Variants in LINGO1 observed in about 807,000 individuals in gnomAD.
LINGO1 encodes the protein leucine rich repeat and Ig domain containing 1.
In LINGO1, 11 loss-of-function variants were observed where a neutral mutation model predicts 37.3. That is an observed-to-expected ratio of 0.29 (90% confidence interval 0.19 to 0.49). LINGO1 has a LOEUF of 0.49. LINGO1 is among the 20% of genes least tolerant of loss of function. The pLI is 0.99. For missense variants in LINGO1, 585 were observed against 878.2 expected (o/e 0.67, Z 4.22); for synonymous variants, 387 against 403.0 (o/e 0.96, Z 0.48).
chr15:77,614,780 C>T lies in LINGO1; in HGVS notation c.1127G>A (p.Arg376Gln). Residue 376 changes from arginine to glutamine, a missense_variant, in exon 2 of 2, where the codon CGG (arginine) becomes CAG (glutamine). Physicochemically the swap from Arg to Gln is conservative, Grantham distance 43 (BLOSUM62 1). Around this residue, in one of 4 missense-constraint regions of LINGO1, gnomAD observed 484 missense variants for 735.0 expected, o/e 0.66. Coordinates refer to ENST00000355300, the MANE Select transcript of LINGO1 (RefSeq NM_032808.7). ...GCGGCGCCGGAACACCCACAGGAGC[C>T]GACAGTCGCAGGCCAGCGGGTTGGA... ...LDSNPLACDC[R>Q]LLWVFRRRWR... 1 of 1,609,074 alleles carries T rather than the reference C, an allele frequency of 6.2e-7. No homozygotes were observed. The highest frequency in any genetic ancestry group is 8.5e-7 in the Non-Finnish European group (1 of 1,177,718).
Position 77,718,565 on chromosome 15 carries a change from C to T in LINGO1, c.-195+16427G>A, listed in dbSNP as rs887017519. Among the ~76,000 whole-genome samples, 5 of 151,124 alleles carry T rather than the reference C, an allele frequency of 3.3e-5. 1 individual carries two copies. The South Asian group carries it at 6.4e-4, about 19-fold the overall frequency. On this transcript the variant is annotated intron_variant, in intron 2 of 3. Coordinates refer to the LINGO1 transcript ENST00000561686. ...TGGCACATGTCCACACACACGTCCA[C>T]AGGCAAGCCTCTAGACCCCAATATC...
At position 77,623,923 on chromosome 15, in the gene LINGO1, T is replaced by C. The variant is rs965996206; in HGVS notation, c.7-8023A>G. 3.6e-5 allele frequency among the ~76,000 whole-genome samples: 5 copies of C among 138,480 alleles called. No individual in the cohort carries two copies. In the South Asian group the frequency reaches 6.7e-4, roughly 18 times the overall value. 90.8% of individuals were successfully genotyped at this position (138,480 alleles called of 152,430 possible). A position where few individuals can be genotyped will look rare whatever the true frequency, so the allele number is the denominator to read the frequency against. ...GTGGTCTCTGTGTGTGACTGATGTG[T>C]GTGTGTGGACTGTGTATGTGTGGTG... On this transcript the variant is annotated intron_variant, in intron 1 of 1. Transcript: ENST00000355300.
At chr15:77,752,289 G>T (rs12442435) in intron 1 of LINGO1, among the ~76,000 whole-genome samples, 24,376 of 152,214 alleles carry the variant, frequency 0.16, 2,429 homozygotes, top group East Asian at 0.3. Context: ...CCAGCGACAG[G>T]AGCCTAACAG....
upstream of LINGO1, among the ~76,000 whole-genome samples, chr15:77,697,566 C>G (rs1264291967): frequency 7.8e-6 from 1 of 127,900 alleles, no homozygotes; most frequent in Non-Finnish European, 1.8e-5. Flanking sequence ...TGCCAGTTCA[C>G]TCATTCATTC....
At chr15:77,657,353 C>A (rs59287349) in intron 3 of LINGO1, among the ~76,000 whole-genome samples, 1,541 of 152,150 alleles carry the variant, frequency 0.01, 24 homozygotes, top group African/African-American at 0.036. Context: ...TGGGGGAACG[C>A]AAGCCCCAAG....
At chr15:77,699,745 T>C (rs796542941), upstream of LINGO1, among the ~76,000 whole-genome samples, 7 of 2,816 alleles carry the variant, frequency 2.5e-3, no homozygotes, top group South Asian at 0.011. Flanking sequence ...AACCATCACC[T>C]GCACACAGTA....
At chr15:77,650,616 A>T (rs750594849) in intron 3 of LINGO1, among the ~76,000 whole-genome samples, 1 of 152,140 alleles carries the variant, frequency 6.6e-6, no homozygotes, top group East Asian at 1.9e-4. Flanking sequence ...TCTGCAAGCC[A>T]CACCTGCAAT....
chr15:77,674,308 T>C (rs2075295483), intron 3 of LINGO1, among the ~76,000 whole-genome samples: 1 of 152,204 alleles, frequency 6.6e-6, no homozygotes, highest in Non-Finnish European at 1.5e-5. Context: ...GCCTCCTCCC[T>C]GGATCACTGC....
At chr15:77,696,007 G>A (rs753009979) in intron 1 of LINGO1, 3 of 152,112 alleles carry the variant, frequency 2.0e-5, no homozygotes, top group Non-Finnish European at 4.4e-5. Context: ...CACCGGCACA[G>A]GGCGGGCTGG....
At chr15:77,746,630 C>T (rs554469421) in intron 1 of LINGO1, among the ~76,000 whole-genome samples, 3 of 152,112 alleles carry the variant, frequency 2.0e-5, no homozygotes, top group East Asian at 3.9e-4. Flanking sequence ...GCGAGGAGCC[C>T]TGCCTGGAGG....
At chr15:77,778,265 C>G (rs189938169) in intron 1 of LINGO1, among the ~76,000 whole-genome samples, 2 of 152,320 alleles carry the variant, frequency 1.3e-5, no homozygotes, top group East Asian at 1.9e-4. Context: ...TATATGGACA[C>G]TAGTGATTGC....
rs561528403 is a variant in LINGO1 at position 77,691,252 on chromosome 15, C to T, written c.-280-351G>A. On this transcript the variant is annotated intron_variant, in intron 1 of 3. Coordinates refer to the LINGO1 transcript ENST00000559893. ...ACTGGACAACACAGCTGTGGATCAA[C>T]CCTTGCCTGCCTCCTGGCCACAGTA... 4.6e-5 allele frequency among the ~76,000 whole-genome samples: 7 copies of T among 152,326 alleles called. No individual in the cohort carries two copies. In the South Asian group the frequency reaches 1.5e-3, roughly 32 times the overall value.
intron 3 of LINGO1, among the ~76,000 whole-genome samples, chr15:77,664,170 T>TGTGTGTGTGCGTGCGCGCGCGC: frequency 7.6e-6 from 1 of 130,946 alleles, no homozygotes; most frequent in African/African-American, 3.7e-5. Context: ...TGTGTGTGTG[T>TGTGTGTGTGCGTGCGCGCGCGC]GCGCGCGCGC....
At chr15:77,768,979 G>A (rs1368238785) in intron 1 of LINGO1, among the ~76,000 whole-genome samples, 1 of 152,224 alleles carries the variant, frequency 6.6e-6, no homozygotes. Context: ...CCCCTCCATA[G>A]AACCCTGCTG....
At chr15:77,735,378 C>T (rs1232062205) in intron 1 of LINGO1, among the ~76,000 whole-genome samples, 1 of 152,234 alleles carries the variant, frequency 6.6e-6, no homozygotes, top group Non-Finnish European at 1.5e-5. Flanking sequence ...AACCTGTGTG[C>T]AGCGGAAGCC....
chr15:77,615,726 G>A lies in LINGO1; in HGVS notation c.181C>T (p.Arg61Cys), dbSNP rs1441087058. 1.3e-6 allele frequency: 2 copies of A among 1,596,018 alleles called. No homozygotes were observed. Among genetic ancestry groups the A allele is most frequent in the South Asian group, 1.1e-5 (1 of 89,116 alleles). ...ATGCCCTCGGGGACTGCCACAAAGC[G>A]CTTGCGGTGGCACAGCACAGCGCGG... ...QDRAVLCHRKRFVAVPEGIPT... is the reference protein window; with the variant it reads ...QDRAVLCHRKCFVAVPEGIPT... The change falls in exon 2 of 2, where the codon CGC (arginine) becomes TGC (cysteine). Residue 61 changes from arginine to cysteine, a missense_variant. By Grantham distance (180) the Arg-to-Cys change is radical. Coordinates refer to ENST00000355300, the MANE Select transcript of LINGO1 (RefSeq NM_032808.7).
intron 3 of LINGO1, among the ~76,000 whole-genome samples, chr15:77,663,477 A>G (rs1354403640): frequency 6.6e-6 from 1 of 152,188 alleles, no homozygotes. Context: ...GGTCCTGTCT[A>G]GGGGACCCGT....
At chr15:77,678,961 C>T (rs1315592100) in intron 2 of LINGO1, among the ~76,000 whole-genome samples, 3 of 152,026 alleles carry the variant, frequency 2.0e-5, no homozygotes, top group African/African-American at 4.8e-5. Context: ...AGTGCAGTGG[C>T]GCCATCTCAG....
chr15:77,680,924 C>T lies in LINGO1; in HGVS notation c.-98-3750G>A, dbSNP rs145092595. Among the ~76,000 whole-genome samples the T allele has an allele frequency of 4.3e-3, 653 of 152,256 alleles. 6 individuals carry two copies. The highest frequency in any genetic ancestry group is 0.015 in the African/African-American group (630 of 41,532). Reference sequence around the variant, plus strand: ...TGTTGTGTGCTCCTGTGGGACAACACGAGGAACAAGGAGAAGATGCTACCC... The same window carrying T: ...TGTTGTGTGCTCCTGTGGGACAACATGAGGAACAAGGAGAAGATGCTACCC... On this transcript the variant is annotated intron_variant, in intron 2 of 3. Coordinates refer to the LINGO1 transcript ENST00000559893.
Sources: allele counts gnomAD v4.1 joint callset (sites outside exome capture counted in the v4.1 genomes callset), GRCh38; gene constraint gnomAD v4.1.1; regional missense constraint gnomAD v4.1.1; transcripts MANE v1.5; gene names NCBI Gene and HGNC (gene_info 2026-07-23, HGNC 2026-07-21).